TMEM132B: variants seen among roughly 807,000 people sequenced by gnomAD.
The protein encoded by TMEM132B is transmembrane protein 132B.
In TMEM132B, 18 loss-of-function variants were observed where a neutral mutation model predicts 90.8. That is an observed-to-expected ratio of 0.20 (90% CI 0.14 to 0.29). The LOEUF is 0.29. Ranked by LOEUF, TMEM132B falls within the 10% of genes least tolerant of loss-of-function variation. The pLI is 1.00. For synonymous variants in TMEM132B, 504 were observed against 523.3 expected, an observed-to-expected ratio of 0.96 and a Z score of 0.50; for missense variants, 1,096 against 1,326.8, an observed-to-expected ratio of 0.83 and a Z score of 2.70.
intron 1 of TMEM132B, among the ~76,000 whole-genome samples, chr12:125,237,661 C>G (rs1873966939): frequency 6.6e-6 from 1 of 152,130 alleles, no homozygotes; most frequent in Admixed American, 6.6e-5. Context: ...GTTGGCTAGG[C>G]TTGTCTCGAA....
At chr12:125,582,102 C>T (rs1301983126) in intron 4 of TMEM132B, among the ~76,000 whole-genome samples, 1 of 151,904 alleles carries the variant, frequency 6.6e-6, no homozygotes, top group African/African-American at 2.4e-5. Flanking sequence ...TTTCTGTTAA[C>T]AAGTAGCTAT....
intron 1 of TMEM132B, among the ~76,000 whole-genome samples, chr12:125,269,422 A>G (rs549936783): frequency 2.0e-5 from 3 of 152,102 alleles, no homozygotes; most frequent in Admixed American, 1.3e-4. Context: ...TTTAAATGAC[A>G]TTTTTCTTGA....
At chr12:125,382,883 C>G (rs931478716) in intron 2 of TMEM132B, among the ~76,000 whole-genome samples, 3 of 152,178 alleles carry the variant, frequency 2.0e-5, no homozygotes, top group African/African-American at 7.2e-5. Flanking sequence ...TTCTTGGTCA[C>G]TCTGTGAATT....
At chr12:125,287,523 C>T (rs1196411915) in intron 1 of TMEM132B, among the ~76,000 whole-genome samples, 1 of 152,084 alleles carries the variant, frequency 6.6e-6, no homozygotes, top group Non-Finnish European at 1.5e-5. Flanking sequence ...CAGATGAAAA[C>T]AAAAAGGGCC....
chr12:125,596,845 C>T (rs11058259), intron 5 of TMEM132B, among the ~76,000 whole-genome samples: 14,771 of 152,280 alleles, frequency 0.097, 1,217 homozygotes, highest in East Asian at 0.31. Flanking sequence ...ATTTGAGTTA[C>T]AGTCTGACTT....
At chr12:125,253,171 T>G (rs1042749510) in intron 1 of TMEM132B, among the ~76,000 whole-genome samples, 1 of 152,076 alleles carries the variant, frequency 6.6e-6, no homozygotes, top group Non-Finnish European at 1.5e-5. Flanking sequence ...CACACAGAAT[T>G]AAACCCTCTC....
At position 125,318,645 on chromosome 12, in the gene TMEM132B, G is replaced by A. The variant is rs550708429; in HGVS notation, c.68-30807G>A. 1.4e-3 allele frequency among the ~76,000 whole-genome samples: 219 copies of A among 152,094 alleles called. 2 individuals are homozygous for A. The highest frequency in any genetic ancestry group is 4.8e-3 in the African/African-American group (200 of 41,490). ...TGGTTTTCTGTTCCTGTGTTAGTTT[G>A]CTGAGGACAATGGCTTCCAGCTCCA... On this transcript the variant is annotated intron_variant, in intron 1 of 8. Transcript: ENST00000682704.
intron 1 of TMEM132B, among the ~76,000 whole-genome samples, chr12:125,248,562 T>C (rs1445396564): frequency 6.6e-6 from 1 of 152,260 alleles, no homozygotes; most frequent in East Asian, 1.9e-4. Flanking sequence ...ACCATCTGAA[T>C]GTGCCTATAG....
intron 4 of TMEM132B, among the ~76,000 whole-genome samples, chr12:125,560,496 G>A (rs982254428): frequency 1.1e-4 from 16 of 152,090 alleles, no homozygotes; most frequent in Non-Finnish European, 2.2e-4. Context: ...CAATCAGATA[G>A]CATCTCACAC....
At chr12:125,603,916 G>T (rs922744344) in intron 5 of TMEM132B, among the ~76,000 whole-genome samples, 18 of 152,316 alleles carry the variant, frequency 1.2e-4, no homozygotes, top group African/African-American at 4.3e-4. Flanking sequence ...ATGCTAGTCA[G>T]AATGGCAATT....
chr12:125,213,376 C>T lies in TMEM132B; in HGVS notation c.67+26510C>T, dbSNP rs888895316. Among the ~76,000 whole-genome samples the T allele has an allele frequency of 6.6e-6, 1 of 152,188 alleles. No homozygotes were observed. The highest frequency in any genetic ancestry group is 2.4e-5 in the African/African-American group (1 of 41,432). On this transcript the variant is annotated intron_variant, in intron 1 of 8. Coordinates refer to ENST00000682704, the MANE Select transcript of TMEM132B (RefSeq NM_001366854.1). The surrounding 1 kb of genome is among the most constrained non-coding windows in gnomAD (Gnocchi z 4.2). ...CTTTTGGATATTGTGAATAGCACTG[C>T]TGAGAACATTTGTGTACAAGTATTT...
At chr12:125,358,456 C>G (rs577978097) in intron 2 of TMEM132B, among the ~76,000 whole-genome samples, 1 of 152,266 alleles carries the variant, frequency 6.6e-6, no homozygotes, top group African/African-American at 2.4e-5. Flanking sequence ...TTTTTCTGCT[C>G]CAGGAACCCC....
intron 1 of TMEM132B, among the ~76,000 whole-genome samples, chr12:125,239,785 G>A (rs891081966): frequency 1.6e-4 from 24 of 152,244 alleles, no homozygotes; most frequent in Non-Finnish European, 3.1e-4. Context: ...TGGTGTTACC[G>A]AGGCCCCACT....
chr12:125,420,119 G>A (rs929663282), intron 3 of TMEM132B, among the ~76,000 whole-genome samples: 4 of 152,358 alleles, frequency 2.6e-5, no homozygotes, highest in Admixed American at 1.3e-4. Flanking sequence ...AGTGCAAGCC[G>A]TCAGTGGATC....
intron 3 of TMEM132B, among the ~76,000 whole-genome samples, chr12:125,437,393 A>T (rs1880737517): frequency 6.6e-6 from 1 of 152,194 alleles, no homozygotes; most frequent in Non-Finnish European, 1.5e-5. Flanking sequence ...TGCTATAAAC[A>T]ACCCTGTATA....
At chr12:125,539,420 C>T (rs931262115) in intron 4 of TMEM132B, among the ~76,000 whole-genome samples, 66 of 152,310 alleles carry the variant, frequency 4.3e-4, no homozygotes, top group Middle Eastern at 3.4e-3. Flanking sequence ...GTGTTCCCCT[C>T]GATGAGGTAA....
chr12:125,271,550 C>G (rs1247634600), intron 1 of TMEM132B, among the ~76,000 whole-genome samples: 2 of 150,908 alleles, frequency 1.3e-5, no homozygotes, highest in Admixed American at 1.3e-4. Flanking sequence ...GGGATAAGAC[C>G]CATCTGAAGG....
chr12:125,409,415 G>A (rs1259180053), intron 2 of TMEM132B, among the ~76,000 whole-genome samples: 1 of 152,228 alleles, frequency 6.6e-6, no homozygotes, highest in East Asian at 1.9e-4. Context: ...CCCGTGAGGA[G>A]GCATCCGGCG....
intron 2 of TMEM132B, among the ~76,000 whole-genome samples, chr12:125,356,511 G>A (rs577924994): frequency 6.6e-6 from 1 of 152,314 alleles, no homozygotes; most frequent in South Asian, 2.1e-4. Flanking sequence ...ACACTCCACA[G>A]CTGAGTCATC....
Sources: gnomAD v4.1 joint callset for allele counts (sites outside exome capture counted in the v4.1 genomes callset) on GRCh38, gnomAD v4.1.1 for gene constraint, Gnocchi (gnomAD v3.1) non-coding constraint, MANE v1.5 for transcripts, NCBI Gene and HGNC (gene_info 2026-07-23, HGNC 2026-07-21) for gene names.